ZSWIM7: variants seen among roughly 807,000 people sequenced by gnomAD.
ZSWIM7 encodes the protein zinc finger SWIM domain-containing protein 7.
Under a neutral mutation model 21.1 loss-of-function variants are expected in ZSWIM7, and 22 were observed. The ratio of observed to expected loss-of-function variants is 1.04; its 90% CI spans 0.74 to 1.49. The LOEUF (loss-of-function observed/expected upper bound fraction) is 1.49. ZSWIM7 is among the 40% of genes most tolerant of loss of function. ZSWIM7 has a pLI of 0.00. For synonymous variants in ZSWIM7, 67 were observed against 66.5 expected, an observed-to-expected ratio of 1.01 and a Z score of -0.04; for missense variants, 193 against 168.0, an observed-to-expected ratio of 1.15 and a Z score of -0.82.
Position 15,977,919 on chromosome 17 carries a change from G to A in ZSWIM7, c.*128C>T, listed in dbSNP as rs926147815. 10 of 793,848 alleles carry A rather than the reference G, an allele frequency of 1.3e-5. 1 individual carries two copies. In the Admixed American group the frequency reaches 1.8e-4, roughly 14 times the overall value. The allele number at this position is 793,848 out of a possible 1,614,324, so 49.2% of individuals were successfully genotyped here. A position where few individuals can be genotyped will look rare whatever the true frequency, so the allele number is the denominator to read the frequency against. On this transcript the variant is annotated 3_prime_UTR_variant, in exon 5 of 5. Coordinates refer to ENST00000399277, the MANE Select transcript of ZSWIM7 (RefSeq NM_001042697.2). ...CCACAGCACCTCCTGCAGTCCTGGA[G>A]GGAAAAGGGACAGTAACATGAAGTG...
Sources: allele counts gnomAD v4.1 joint callset, GRCh38; gene constraint gnomAD v4.1.1; transcripts MANE v1.5; gene names NCBI Gene and HGNC (gene_info 2026-07-23, HGNC 2026-07-21).